RSPH1: variants seen among roughly 807,000 people sequenced by gnomAD.
RSPH1 encodes the protein radial spoke head 1 homolog.
Under a neutral mutation model 44.2 loss-of-function variants are expected in RSPH1, and 32 were observed. The observed-to-expected ratio is 0.72, with a 90% CI of 0.55 to 0.97. The LOEUF (loss-of-function observed/expected upper bound fraction) is 0.97. Ranked by LOEUF, RSPH1 falls within the 50% of genes least tolerant of loss-of-function variation. The probability of loss-of-function intolerance (pLI) is 0.00; values close to 1 mark genes in which losing one functional copy is unlikely to be tolerated. For missense variants in RSPH1, 391 were observed against 398.7 expected (o/e 0.98, Z 0.16); for synonymous variants, 134 against 147.3 (o/e 0.91, Z 0.65).
At chr21:42,475,090 T>C (rs773258873) in intron 8 of RSPH1, among the ~76,000 whole-genome samples, 11 of 152,258 alleles carry the variant, frequency 7.2e-5, no homozygotes, top group Admixed American at 2.6e-4. Context: ...CTCCAGACTT[T>C]CTGCAAGTGC....
At chr21:42,492,614 T>C (rs2054247119) in intron 3 of RSPH1, 144 bp downstream of exon 3, 4 of 610,446 alleles carry the variant, frequency 6.6e-6, no homozygotes, top group Non-Finnish European at 1.2e-5. Flanking sequence ...ACACTGTGAA[T>C]ATAGTAACAC....
chr21:42,472,696 T>A lies in RSPH1; in HGVS notation c.*122A>T. 1 of 717,422 alleles carries A rather than the reference T, an allele frequency of 1.4e-6. No homozygotes were observed. The highest frequency in any genetic ancestry group is 2.4e-6 in the Non-Finnish European group (1 of 424,464). 44.4% of individuals were successfully genotyped at this position (717,422 alleles called of 1,614,324 possible). ...TCCACTCACTGCAACTGCCACTTTC[T>A]GGACTCAAGCAATCCTCCTGCCTCA... is the stretch of plus-strand genomic sequence containing the variant. On this transcript the variant is annotated 3_prime_UTR_variant, in exon 9 of 9. Coordinates refer to ENST00000291536, the MANE Select transcript of RSPH1 (RefSeq NM_080860.4).
chr21:42,492,708 G>T, intron 3 of RSPH1, 50 bp downstream of exon 3: 1 of 1,095,400 alleles, frequency 9.1e-7, no homozygotes, highest in Non-Finnish European at 1.4e-6. Flanking sequence ...CAGTCATAAA[G>T]AAAGAAAAAC....
chr21:42,479,726 TAC>T (rs141751119), intron 6 of RSPH1, among the ~76,000 whole-genome samples: 5,791 of 144,858 alleles, frequency 0.04, 146 homozygotes, highest in African/African-American at 0.079. Context: ...TGTAGGAGGT[TAC>T]ACACACACAC....
At chr21:42,492,486 C>G (rs543278358) in intron 3 of RSPH1, among the ~76,000 whole-genome samples, 46 of 152,356 alleles carry the variant, frequency 3.0e-4, no homozygotes, top group African/African-American at 1.0e-3. Flanking sequence ...TGCGTCCACT[C>G]AGGAGCCTCC....
chr21:42,493,492 C>T (rs939554111), intron 1 of RSPH1, among the ~76,000 whole-genome samples: 2 of 152,210 alleles, frequency 1.3e-5, no homozygotes, highest in Non-Finnish European at 1.5e-5. Context: ...CCGTTTGCTT[C>T]CTTCAGTAAT....
chr21:42,482,651 G>A lies in RSPH1; in HGVS notation c.559C>T (p.Arg187Cys), dbSNP rs150576105. ...CCGCAACTTACCATATCTGTTAAAC[G>A]ATATTCACCATGTTGTTCACACCCA... The part of the protein sequence containing the change: ...DVGCEQHGEY[R>C]LTDMERGEEE... Residue 187 changes from arginine to cysteine, a missense_variant, in exon 6 of 9, where the codon CGT becomes TGT. By Grantham distance (180) the Arg-to-Cys change is radical. Coordinates refer to ENST00000291536, the MANE Select transcript of RSPH1 (RefSeq NM_080860.4). The A allele has an allele frequency of 1.5e-4, 238 of 1,612,076 alleles. No individual in the cohort carries two copies. Among genetic ancestry groups the A allele is most frequent in the Non-Finnish European group, 1.6e-4 (186 of 1,178,754 alleles).
intron 6 of RSPH1, among the ~76,000 whole-genome samples, chr21:42,480,012 A>G (rs1321274433): frequency 3.3e-5 from 5 of 152,222 alleles, no homozygotes; most frequent in African/African-American, 9.6e-5. Flanking sequence ...AAGCAGGAGA[A>G]GAGGCAAGGA....
rs907899461 is a variant in RSPH1 at position 42,477,510 on chromosome 21, T to G, written c.574-66A>C. 1.9e-6 allele frequency: 3 copies of G among 1,548,384 alleles called. No homozygotes were observed. The African/African-American group carries it at 4.1e-5, about 21-fold the overall frequency. ...TCATCTTGGTCTGGAATATTAAAAG[T>G]GAGGGAGGAAGGACAAGTTTTGAAA... On this transcript the variant is annotated intron_variant, in intron 6 of 8. Transcript: ENST00000291536.
intron 3 of RSPH1, among the ~76,000 whole-genome samples, chr21:42,490,048 T>C (rs2054220962): frequency 6.6e-6 from 1 of 152,158 alleles, no homozygotes; most frequent in Non-Finnish European, 1.5e-5. Context: ...GAGTCCTCAG[T>C]TGGCCCTACA....
intron 1 of RSPH1, 136 bp downstream of exon 1, chr21:42,495,997 T>G: frequency 4.2e-6 from 4 of 949,842 alleles, no homozygotes. Flanking sequence ...TGGCGTGGCC[T>G]TCGTCCCTGC....
At chr21:42,473,505 A>G (rs2054014203) in intron 8 of RSPH1, among the ~76,000 whole-genome samples, 1 of 152,028 alleles carries the variant, frequency 6.6e-6, no homozygotes, top group Admixed American at 6.6e-5. Context: ...AAAAAAAAAA[A>G]AAAGCAGAAA....
intron 8 of RSPH1, among the ~76,000 whole-genome samples, chr21:42,473,514 A>C (rs946879837): frequency 1.3e-5 from 2 of 151,700 alleles, no homozygotes; most frequent in African/African-American, 4.8e-5. Flanking sequence ...AAAAAGCAGA[A>C]ATTTGCCACA....
chr21:42,488,992 GT>G lies in RSPH1; in HGVS notation c.275-2532del, dbSNP rs1299677437. ...TCTTCTCAGGAGTAACTCCCAGTTG[GT>G]TGGTTGGTTGGTTGGTTGGTTGATT... On this transcript the variant is annotated intron_variant, in intron 3 of 8. Transcript: ENST00000291536. Among the ~76,000 whole-genome samples, 4 of 151,786 alleles carry G rather than the reference GT, an allele frequency of 2.6e-5. No individual in the cohort carries two copies. The East Asian group carries it at 7.7e-4, about 29-fold the overall frequency.
At chr21:42,480,565 G>A (rs191016687) in intron 6 of RSPH1, among the ~76,000 whole-genome samples, 43 of 151,042 alleles carry the variant, frequency 2.8e-4, no homozygotes, top group Non-Finnish European at 5.0e-4. Context: ...GCTTGAACCC[G>A]GGAGGTGGAG....
rs181777499 is a variant in RSPH1 at position 42,490,440 on chromosome 21, G to A, written c.274+2318C>T. Among the ~76,000 whole-genome samples, 4 of 152,298 alleles carry A rather than the reference G, an allele frequency of 2.6e-5. No homozygotes were observed. In the East Asian group the frequency reaches 7.7e-4, roughly 29 times the overall value. On this transcript the variant is annotated intron_variant, in intron 3 of 8. Coordinates refer to ENST00000291536, the MANE Select transcript of RSPH1 (RefSeq NM_080860.4). ...AGATTTTGTGATTGGAAGAGTATTGGCTTACTATGTTATAATTAATATTAT... is the reference window on the plus strand; with the variant it reads ...AGATTTTGTGATTGGAAGAGTATTGACTTACTATGTTATAATTAATATTAT...
intron 4 of RSPH1, 89 bp from the exon 5 acceptor site, chr21:42,485,893 G>A: frequency 6.5e-7 from 1 of 1,539,764 alleles, no homozygotes; most frequent in South Asian, 1.1e-5. Context: ...ATTGAGGGAG[G>A]CCCAGGCTGT....
At chr21:42,485,830 A>G (rs777950098) in intron 4 of RSPH1, 26 bp from the exon 5 acceptor site, 88 of 1,613,732 alleles carry the variant, frequency 5.5e-5, no homozygotes, top group Non-Finnish European at 7.3e-5. Context: ...GGAACATGGT[A>G]TTTCGTTCCA....
At chr21:42,485,584 G>T (rs1016582656) in intron 5 of RSPH1, 85 bp downstream of exon 5, 3 of 1,504,704 alleles carry the variant, frequency 2.0e-6, no homozygotes, top group Non-Finnish European at 2.8e-6. Flanking sequence ...TGAGTTTTTG[G>T]TATTCTCTGG....
Sources: gnomAD v4.1 joint callset for allele counts (sites outside exome capture counted in the v4.1 genomes callset) on GRCh38, gnomAD v4.1.1 for gene constraint, MANE v1.5 for transcripts, NCBI Gene and HGNC (gene_info 2026-07-23, HGNC 2026-07-21) for gene names.